Variants in CEP112 observed in about 807,000 individuals in gnomAD.
CEP112 encodes the protein centrosomal protein of 112 kDa.
Under a neutral mutation model 153.0 loss-of-function variants are expected in CEP112, and 127 were observed. The ratio of observed to expected loss-of-function variants is 0.83; its 90% CI spans 0.72 to 0.96. The LOEUF is 0.96. Ranked by LOEUF, CEP112 falls within the 40% of genes least tolerant of loss-of-function variation. The probability of loss-of-function intolerance (pLI) is 0.00; values close to 1 mark genes in which losing one functional copy is unlikely to be tolerated. For missense variants in CEP112, 1,089 were observed against 1,101.2 expected, an observed-to-expected ratio of 0.99 and a Z score of 0.16; for synonymous variants, 358 against 374.4, an observed-to-expected ratio of 0.96 and a Z score of 0.51.
chr17:65,805,964 T>C (rs1340542088), intron 21 of CEP112, among the ~76,000 whole-genome samples: 1 of 152,242 alleles, frequency 6.6e-6, no homozygotes, highest in African/African-American at 2.4e-5. Flanking sequence ...TCCATTCAAA[T>C]AATATTTGAC....
At chr17:65,722,559 A>T (rs2144871934) in intron 23 of CEP112, among the ~76,000 whole-genome samples, 1 of 152,310 alleles carries the variant, frequency 6.6e-6, no homozygotes, top group East Asian at 1.9e-4. Flanking sequence ...AGTAGAGCCA[A>T]TTTTTTAAAG....
chr17:65,681,261 T>C (rs900893590), intron 24 of CEP112, among the ~76,000 whole-genome samples: 2 of 152,172 alleles, frequency 1.3e-5, no homozygotes, highest in Non-Finnish European at 2.9e-5. Context: ...TAAATTCTCC[T>C]GGCTCTGCTC....
At chr17:66,143,603 C>T (rs879527573) in intron 4 of CEP112, among the ~76,000 whole-genome samples, 2 of 152,178 alleles carry the variant, frequency 1.3e-5, no homozygotes, top group Admixed American at 6.5e-5. Context: ...GAATGGATTA[C>T]AATTCGATAC....
At chr17:65,733,191 T>C (rs2050610425) in intron 23 of CEP112, among the ~76,000 whole-genome samples, 1 of 152,066 alleles carries the variant, frequency 6.6e-6, no homozygotes, top group Non-Finnish European at 1.5e-5. Context: ...CCCAAGGAGA[T>C]GGAGAGAGAT....
intron 1 of CEP112, among the ~76,000 whole-genome samples, chr17:66,188,304 C>T (rs1013183360): frequency 1.3e-5 from 2 of 150,972 alleles, no homozygotes; most frequent in African/African-American, 4.9e-5. Context: ...CACACACACA[C>T]ACACACACAC....
At chr17:66,084,690 G>A (rs535403007) in intron 8 of CEP112, among the ~76,000 whole-genome samples, 10 of 152,074 alleles carry the variant, frequency 6.6e-5, no homozygotes, top group Admixed American at 6.6e-4. Flanking sequence ...GGCAGGGGGG[G>A]AGTTGGGATG....
At chr17:66,012,325 T>C (rs1211404790) in intron 16 of CEP112, among the ~76,000 whole-genome samples, 1 of 152,172 alleles carries the variant, frequency 6.6e-6, no homozygotes. Flanking sequence ...TATTGTGTCA[T>C]TGGCCTGTGT....
At chr17:66,181,911 G>C (rs2146910211) in intron 2 of CEP112, 1 of 152,308 alleles carries the variant, frequency 6.6e-6, no homozygotes, top group East Asian at 1.9e-4. Context: ...AGCCTGACAA[G>C]GTCAAGAGCA....
chr17:66,085,880 G>A lies in CEP112; in HGVS notation c.768+10371C>T, dbSNP rs577931267. ...TAATCCCAGCTACTCAGGAGGCTGA[G>A]GTAGGAGAATTGCTTAAATCCGGGA... On this transcript the variant is annotated intron_variant, in intron 8 of 26. Transcript: ENST00000535342. Among the ~76,000 whole-genome samples, 8 of 151,808 alleles carry A rather than the reference G, an allele frequency of 5.3e-5. No individual in the cohort carries two copies. In the South Asian group the frequency reaches 1.7e-3, roughly 32 times the overall value.
intron 23 of CEP112, among the ~76,000 whole-genome samples, chr17:65,741,169 G>A (rs2051112608): frequency 6.6e-6 from 1 of 152,072 alleles, no homozygotes; most frequent in Non-Finnish European, 1.5e-5. Context: ...TTACCATAAG[G>A]CTTAAATGAG....
chr17:66,181,439 G>A (rs1461821851), intron 2 of CEP112, among the ~76,000 whole-genome samples: 7 of 152,048 alleles, frequency 4.6e-5, no homozygotes, highest in Admixed American at 1.3e-4. Flanking sequence ...TCTGCCTCCC[G>A]AGTTCACGCC....
intron 24 of CEP112, among the ~76,000 whole-genome samples, chr17:65,664,232 A>G (rs942816321): frequency 6.6e-6 from 1 of 152,188 alleles, no homozygotes; most frequent in Non-Finnish European, 1.5e-5. Flanking sequence ...GAAGTTTGGC[A>G]AAAGGAAATT....
At chr17:65,894,502 G>GA (rs1568184133) in intron 20 of CEP112, among the ~76,000 whole-genome samples, 1 of 151,744 alleles carries the variant, frequency 6.6e-6, no homozygotes, top group South Asian at 2.1e-4. Context: ...GTTCCTTTAG[G>GA]AAAAAAATAC....
intron 23 of CEP112, among the ~76,000 whole-genome samples, chr17:65,742,325 T>A (rs74722192): frequency 6.6e-6 from 1 of 152,220 alleles, no homozygotes; most frequent in African/African-American, 2.4e-5. Flanking sequence ...TGAAAAATAA[T>A]CTTTTGCTGG....
rs146009782 is a variant in CEP112, at chr17:66,053,863, G to C, written c.1091C>G (p.Ala364Gly). The C allele has an allele frequency of 6.8e-3, 10,971 of 1,611,928 alleles. 51 individuals are homozygous for C. The highest frequency in any genetic ancestry group is 0.013 in the Middle Eastern group (80 of 6,014). ...DWEKKLHNAVAEMEQEKFDLQ... is the reference protein window; with the variant it reads ...DWEKKLHNAVGEMEQEKFDLQ... ...ATCAAACTTTTCCTGTTCCATTTCT[G>C]CTACAGCATTGTGAAGCTACATCAG... The change falls in exon 12 of 27, where the codon GCA (alanine) becomes GGA (glycine). Residue 364 changes from alanine to glycine, a missense_variant. Ala to Gly is a moderately conservative substitution (Grantham distance 60). Coordinates refer to ENST00000535342, the MANE Select transcript of CEP112 (RefSeq NM_001199165.4).
intron 17 of CEP112, among the ~76,000 whole-genome samples, chr17:65,971,530 CTAAAT>C (rs968994273): frequency 4.8e-4 from 72 of 149,646 alleles, no homozygotes; most frequent in African/African-American, 1.7e-3. Flanking sequence ...TGTGTATCAC[CTAAAT>C]GTATGTTGCA....
chr17:65,723,061 T>A lies in CEP112; in HGVS notation c.2607+20007A>T, dbSNP rs976210357. Among the ~76,000 whole-genome samples the A allele has an allele frequency of 5.9e-5, 9 of 152,202 alleles. 1 individual carries two copies. The highest frequency in any genetic ancestry group is 6.5e-5 in the Admixed American group (1 of 15,284). ...CAGTATCTAACCAAACACCATACAG[T>A]GTGTTCCGAAGAATACATGTGCTTC... On this transcript the variant is annotated intron_variant, in intron 23 of 26. Coordinates refer to ENST00000535342, the MANE Select transcript of CEP112 (RefSeq NM_001199165.4).
chr17:65,999,164 G>A (rs1750618815), intron 17 of CEP112, among the ~76,000 whole-genome samples: 1 of 150,802 alleles, frequency 6.6e-6, no homozygotes, highest in Non-Finnish European at 1.5e-5. Context: ...ATATTTACTT[G>A]CTGAAATGAA....
intron 23 of CEP112, among the ~76,000 whole-genome samples, chr17:65,698,772 A>T (rs2048479063): frequency 6.6e-6 from 1 of 152,122 alleles, no homozygotes; most frequent in Non-Finnish European, 1.5e-5. Context: ...ATTTTGCAAG[A>T]TCATAGAGGA....
Sources: gnomAD v4.1 joint callset for allele counts (sites outside exome capture counted in the v4.1 genomes callset) on GRCh38, gnomAD v4.1.1 for gene constraint, MANE v1.5 for transcripts, NCBI Gene and HGNC (gene_info 2026-07-23, HGNC 2026-07-21) for gene names.